Variants in SYT1 observed in about 807,000 individuals in gnomAD.
SYT1 encodes synaptotagmin-1.
SYT1 carries 8 observed loss-of-function variants against 44.8 expected under a neutral mutation model. The observed-to-expected ratio is 0.18, with a 90% CI of 0.10 to 0.32. SYT1 has a LOEUF of 0.32. Ranked by LOEUF, SYT1 falls within the 10% of genes least tolerant of loss-of-function variation. The pLI is 1.00. For synonymous variants in SYT1, 154 were observed against 188.8 expected (o/e 0.82, Z 1.51); for missense variants, 286 against 509.3 (o/e 0.56, Z 4.22).
At chr12:79,025,375 T>A (rs1231142619) in intron 2 of SYT1, among the ~76,000 whole-genome samples, 1 of 151,736 alleles carries the variant, frequency 6.6e-6, no homozygotes, top group African/African-American at 2.4e-5. Context: ...TTGAGCTTTA[T>A]AGAAGCACTG....
chr12:79,394,231 G>T (rs1884782672), intron 9 of SYT1, among the ~76,000 whole-genome samples: 2 of 152,230 alleles, frequency 1.3e-5, no homozygotes, highest in Admixed American at 6.5e-5. Flanking sequence ...AATGCTAGGG[G>T]TATGTAGCCG....
chr12:79,183,783 C>A (rs1214234227), intron 3 of SYT1, among the ~76,000 whole-genome samples: 1 of 152,068 alleles, frequency 6.6e-6, no homozygotes, highest in African/African-American at 2.4e-5. Flanking sequence ...AAGGGTCAAT[C>A]AATGCTTACT....
intron 2 of SYT1, among the ~76,000 whole-genome samples, chr12:79,032,168 T>C (rs1323479025): frequency 6.6e-6 from 1 of 151,166 alleles, no homozygotes; most frequent in Admixed American, 6.6e-5. Flanking sequence ...AGGGGACTGA[T>C]TGTGTCCTTT....
chr12:79,004,133 A>G (rs1315188956), intron 2 of SYT1, among the ~76,000 whole-genome samples: 1 of 151,970 alleles, frequency 6.6e-6, no homozygotes, highest in Admixed American at 6.6e-5. Context: ...ATGAAAAAAC[A>G]TTCATATTCA....
intron 4 of SYT1, among the ~76,000 whole-genome samples, chr12:79,269,857 G>C (rs980126689): frequency 2.0e-5 from 3 of 152,118 alleles, no homozygotes; most frequent in Non-Finnish European, 4.4e-5. Context: ...CCAAGAATTG[G>C]TAGTCTTTGA....
intron 3 of SYT1, among the ~76,000 whole-genome samples, chr12:79,108,134 T>A (rs1262648866): frequency 1.3e-5 from 2 of 151,896 alleles, no homozygotes; most frequent in East Asian, 3.9e-4. Context: ...GATGAAGATA[T>A]GCACCAAGCT....
chr12:79,349,794 T>C (rs948007476), intron 8 of SYT1, among the ~76,000 whole-genome samples: 2 of 152,168 alleles, frequency 1.3e-5, no homozygotes, highest in Non-Finnish European at 2.9e-5. Context: ...ATAAAATATT[T>C]ATATTAAATG....
At chr12:78,999,682 T>C (rs1356223804) in intron 2 of SYT1, among the ~76,000 whole-genome samples, 1 of 152,286 alleles carries the variant, frequency 6.6e-6, no homozygotes, top group East Asian at 1.9e-4. Flanking sequence ...GGGTTCAGTG[T>C]AGCACTTTGG....
intron 4 of SYT1, among the ~76,000 whole-genome samples, chr12:79,266,905 G>T (rs1364667222): frequency 6.6e-6 from 1 of 152,112 alleles, no homozygotes; most frequent in African/African-American, 2.4e-5. Context: ...TTGCCTACCT[G>T]TCACTTTGTA....
intron 3 of SYT1, among the ~76,000 whole-genome samples, chr12:79,171,253 A>T (rs1035703733): frequency 1.3e-5 from 2 of 152,074 alleles, no homozygotes; most frequent in African/African-American, 4.8e-5. Context: ...TTTAATAGGA[A>T]TAGCATTGAA....
intron 3 of SYT1, among the ~76,000 whole-genome samples, chr12:79,166,911 A>G (rs547005589): frequency 1.3e-5 from 2 of 152,192 alleles, no homozygotes; most frequent in South Asian, 2.1e-4. Flanking sequence ...TACTTTTTAC[A>G]TGTAAAACGA....
At chr12:79,270,065 G>GT (rs1175761184) in intron 4 of SYT1, among the ~76,000 whole-genome samples, 1 of 152,034 alleles carries the variant, frequency 6.6e-6, no homozygotes, top group African/African-American at 2.4e-5. Context: ...GAAAAAGCTT[G>GT]TTTTTATTTT....
At chr12:79,366,920 G>A (rs1883569623) in intron 9 of SYT1, among the ~76,000 whole-genome samples, 1 of 150,460 alleles carries the variant, frequency 6.6e-6, no homozygotes, top group African/African-American at 2.4e-5. Flanking sequence ...GTGTGTGTGT[G>A]TGTGTGTGTG....
At chr12:78,983,534 A>T (rs954351467) in intron 2 of SYT1, among the ~76,000 whole-genome samples, 3 of 152,088 alleles carry the variant, frequency 2.0e-5, no homozygotes, top group Non-Finnish European at 4.4e-5. Flanking sequence ...CCCTAGCTTA[A>T]CCATTCTACA....
chr12:79,050,753 G>T (rs567123325), intron 3 of SYT1, among the ~76,000 whole-genome samples: 6 of 152,130 alleles, frequency 3.9e-5, no homozygotes, highest in African/African-American at 1.4e-4. Context: ...AAAACATCTT[G>T]TGGCTCATTA....
rs145258628 is a variant in SYT1, at chr12:78,881,232, A to G, written c.-217+16123A>G. 4.6e-5 allele frequency among the ~76,000 whole-genome samples: 7 copies of G among 151,730 alleles called. No homozygotes were observed. In the East Asian group the frequency reaches 1.4e-3, roughly 30 times the overall value. On this transcript the variant is annotated intron_variant, in intron 1 of 10. Transcript: ENST00000261205. ...TCCCTCCTGTCCCTCTCCATGAACAACTGCTACCCTTAACTACATCAATTT... is the reference window on the plus strand; with the variant it reads ...TCCCTCCTGTCCCTCTCCATGAACAGCTGCTACCCTTAACTACATCAATTT...
intron 8 of SYT1, among the ~76,000 whole-genome samples, chr12:79,302,737 G>A (rs538132900): frequency 3.3e-5 from 5 of 152,150 alleles, no homozygotes; most frequent in African/African-American, 1.2e-4. Context: ...ACTGGTTTCC[G>A]TTCACTTGCC....
rs11376724 is a variant in SYT1 at position 79,260,805 on chromosome 12, A to ATT, written c.167-24972_167-24971dup. Reference sequence around the variant, plus strand: ...GATTCTGTTTTTACAGAAATCTCATATTTTTTTTTTTAGTAGACTTGGGTC... The same window carrying ATT: ...GATTCTGTTTTTACAGAAATCTCATATTTTTTTTTTTTTAGTAGACTTGGGTC... On this transcript the variant is annotated intron_variant, in intron 4 of 10. Coordinates refer to ENST00000261205, the MANE Select transcript of SYT1 (RefSeq NM_005639.3). Among the ~76,000 whole-genome samples the ATT allele has an allele frequency of 2.6e-3, 385 of 149,674 alleles. 5 individuals carry two copies. Among genetic ancestry groups the ATT allele is most frequent in the African/African-American group, 7.4e-3 (302 of 40,910 alleles).
In SYT1 at chr12:79,300,518, C is replaced by T. The variant is rs1027190221; in HGVS notation, c.810+967C>T. Reference sequence around the variant, plus strand: ...CAAGTCCATCACCTGGGAATCCTCTCAGCCTAAGGTTTTCTGTGACCAATC... The same window carrying T: ...CAAGTCCATCACCTGGGAATCCTCTTAGCCTAAGGTTTTCTGTGACCAATC... On this transcript the variant is annotated intron_variant, in intron 8 of 10. Transcript: ENST00000261205. 3.9e-5 allele frequency among the ~76,000 whole-genome samples: 6 copies of T among 151,962 alleles called. No homozygotes were observed. In the South Asian group the frequency reaches 1.2e-3, roughly 31 times the overall value.
Sources: allele counts gnomAD v4.1 joint callset (sites outside exome capture counted in the v4.1 genomes callset), GRCh38; gene constraint gnomAD v4.1.1; transcripts MANE v1.5; gene names NCBI Gene and HGNC (gene_info 2026-07-23, HGNC 2026-07-21).